Variants in EPHA8 observed in about 807,000 individuals in gnomAD.
EPHA8 encodes the protein ephrin type-A receptor 8.
In EPHA8, 58 loss-of-function variants were observed where a neutral mutation model predicts 103.6. That is an observed-to-expected ratio of 0.56 (90% CI 0.45 to 0.70). The LOEUF is 0.70. Ranked by LOEUF, EPHA8 falls within the 30% of genes least tolerant of loss-of-function variation. The pLI is 0.00. For synonymous variants in EPHA8, 559 were observed against 572.5 expected, an observed-to-expected ratio of 0.98 and a Z score of 0.34; for missense variants, 1,304 against 1,395.2, an observed-to-expected ratio of 0.93 and a Z score of 1.04.
chr1:22,597,540 G>A lies in EPHA8; in HGVS notation c.1930+64G>A, dbSNP rs1344590483. 18 of 1,582,490 alleles carry A rather than the reference G, an allele frequency of 1.1e-5. No homozygotes were observed. The East Asian group carries it at 3.6e-4, about 32-fold the overall frequency. ...GCAAGGTGGGGGCACCCAGGGCAAG[G>A]TGGGGGCACCCAGGGCAGAGGGAGC... On this transcript the variant is annotated intron_variant, in intron 10 of 16. Transcript: ENST00000166244. This position sits in a 1 kb window ranked among gnomAD's most constrained non-coding sequence, Gnocchi z 4.6.
chr1:22,566,163 A>G (rs1198039967), intron 1 of EPHA8, among the ~76,000 whole-genome samples: 1 of 152,144 alleles, frequency 6.6e-6, no homozygotes. Context: ...AGGGCCCTGC[A>G]CCTGCAGAGA....
At chr1:22,578,286 G>A (rs940462578) in intron 3 of EPHA8, among the ~76,000 whole-genome samples, 5 of 150,292 alleles carry the variant, frequency 3.3e-5, no homozygotes, top group Non-Finnish European at 5.9e-5. Flanking sequence ...GCATGTGTAC[G>A]TGTGCATGAG....
intron 2 of EPHA8, among the ~76,000 whole-genome samples, chr1:22,571,588 C>T (rs1640545920): frequency 6.6e-6 from 1 of 152,180 alleles, no homozygotes; most frequent in African/African-American, 2.4e-5. Flanking sequence ...CACCTGCCAT[C>T]TTCAGGGGGC....
intron 2 of EPHA8, among the ~76,000 whole-genome samples, chr1:22,572,124 C>G (rs1257221248): frequency 6.6e-6 from 1 of 152,212 alleles, no homozygotes; most frequent in Non-Finnish European, 1.5e-5. Flanking sequence ...CTATCCACCC[C>G]TCTGACTCTG....
At chr1:22,580,333 T>G (rs977356441) in intron 3 of EPHA8, among the ~76,000 whole-genome samples, 1 of 151,926 alleles carries the variant, frequency 6.6e-6, no homozygotes, top group African/African-American at 2.4e-5. Context: ...GAGACAAGAT[T>G]TCACCATGTT....
chr1:22,578,885 G>GTGTGTGCA (rs371745101), intron 3 of EPHA8, among the ~76,000 whole-genome samples: 2 of 149,640 alleles, frequency 1.3e-5, no homozygotes, highest in Non-Finnish European at 3.0e-5. Flanking sequence ...CCGTGTGTCC[G>GTGTGTGCA]TGTGTGCATG....
chr1:22,576,566 T>C lies in EPHA8; in HGVS notation c.509T>C (p.Val170Ala). 1 of 1,614,024 alleles carries C rather than the reference T, an allele frequency of 6.2e-7. No individual in the cohort carries two copies. The highest frequency in any genetic ancestry group is 8.5e-7 in the Non-Finnish European group (1 of 1,180,008). ...GVRRLKLNTE[V>A]RSVGPLSKRG... ...CGGCGTCTCAAGCTCAACACGGAGG[T>C]GCGCAGTGTGGGTCCCCTCAGCAAG... The change falls in exon 3 of 17, where the codon GTG becomes GCG. Residue 170 changes from valine (V) to alanine (A), a missense_variant. Transcript: ENST00000166244. The surrounding 1 kb of genome is among the most constrained non-coding windows in gnomAD (Gnocchi z 4.8).
chr1:22,570,530 C>G, intron 2 of EPHA8, among the ~76,000 whole-genome samples: 1 of 152,282 alleles, frequency 6.6e-6, no homozygotes, highest in African/African-American at 2.4e-5. Context: ...GATAACGACA[C>G]CAACAGGTAA....
intron 5 of EPHA8, among the ~76,000 whole-genome samples, chr1:22,591,238 T>G (rs1361300996): frequency 6.6e-6 from 1 of 151,926 alleles, no homozygotes; most frequent in South Asian, 2.1e-4. Context: ...AAAAAAATTT[T>G]TTTTGAGACA....
At chr1:22,566,722 G>A (rs1640369373) in intron 1 of EPHA8, among the ~76,000 whole-genome samples, 1 of 152,174 alleles carries the variant, frequency 6.6e-6, no homozygotes, top group South Asian at 2.1e-4. Context: ...TGACCAGAGG[G>A]TCTGAATTCC....
chr1:22,582,565 G>A (rs538224326), intron 3 of EPHA8, among the ~76,000 whole-genome samples: 4 of 152,314 alleles, frequency 2.6e-5, no homozygotes, highest in South Asian at 2.1e-4. Context: ...TGTGGGGTTC[G>A]TCCAGTTTAC....
intron 4 of EPHA8, 52 bp downstream of exon 4, chr1:22,586,687 C>T (rs1192314230): frequency 1.3e-6 from 2 of 1,593,022 alleles, no homozygotes; most frequent in South Asian, 2.2e-5. Flanking sequence ...CTGGGCCGGG[C>T]CCCTGTGTTT....
chr1:22,566,179 C>G (rs919001454), intron 1 of EPHA8, among the ~76,000 whole-genome samples: 2 of 152,338 alleles, frequency 1.3e-5, no homozygotes, highest in Middle Eastern at 3.4e-3. Flanking sequence ...AGAGACGCCC[C>G]CCGGACCCCT....
chr1:22,601,941 C>T lies in EPHA8; in HGVS notation c.*200C>T. The stretch of plus-strand genomic sequence containing the variant: ...TGGGAAGGGGCCTTTGGTGGCCACC[C>T]TGGTGAGGACACCTGTCCCCCAGGG... On this transcript the variant is annotated 3_prime_UTR_variant, in exon 17 of 17. Transcript: ENST00000166244. 1 of 608,632 alleles carries T rather than the reference C, an allele frequency of 1.6e-6. No homozygotes were observed. The highest frequency in any genetic ancestry group is 2.8e-6 in the Non-Finnish European group (1 of 351,818). 37.7% of individuals were successfully genotyped at this position (608,632 alleles called of 1,614,324 possible).
chr1:22,595,656 A>T (rs1461769441), intron 8 of EPHA8, among the ~76,000 whole-genome samples: 3 of 152,176 alleles, frequency 2.0e-5, no homozygotes, highest in Non-Finnish European at 4.4e-5. Context: ...AGGGAGGTGG[A>T]GACAGGATAG....
chr1:22,593,389 G>T lies in EPHA8; in HGVS notation c.1379G>T (p.Trp460Leu). ...GGGCAGACCAGCGTCTCGCTGCTGTGGCAGGAGCCCGAGCAGCCGAACGGC... is the reference window on the plus strand; with the variant it reads ...GGGCAGACCAGCGTCTCGCTGCTGTTGCAGGAGCCCGAGCAGCCGAACGGC... Reference protein sequence around the residue: ...RAGQTSVSLLWQEPEQPNGII... With the variant: ...RAGQTSVSLLLQEPEQPNGII... The change falls in exon 6 of 17, where the codon TGG becomes TTG. Residue 460 changes from tryptophan (W) to leucine (L), a missense_variant. Transcript: ENST00000166244. The T allele has an allele frequency of 1.3e-6, 2 of 1,591,294 alleles. No homozygotes were observed. The highest frequency in any genetic ancestry group is 1.7e-6 in the Non-Finnish European group (2 of 1,170,512).
chr1:22,574,064 C>T (rs1030343794), intron 2 of EPHA8, among the ~76,000 whole-genome samples: 8 of 152,224 alleles, frequency 5.3e-5, no homozygotes, highest in East Asian at 1.9e-4. Flanking sequence ...CTGCAAACTC[C>T]GTCCCCCGGG....
At chr1:22,595,911 ATCATGGCGG>A (rs1641503848) in intron 8 of EPHA8, among the ~76,000 whole-genome samples, 186 bp from the exon 9 acceptor site, 1 of 152,226 alleles carries the variant, frequency 6.6e-6, no homozygotes, top group Admixed American at 6.5e-5. Context: ...GCTTGTGACC[ATCATGGCGG>A]TCACAGTTTA....
chr1:22,582,262 G>A (rs1474443796), intron 3 of EPHA8, among the ~76,000 whole-genome samples: 4 of 152,186 alleles, frequency 2.6e-5, no homozygotes, highest in Non-Finnish European at 5.9e-5. Context: ...GAGGAAGGGC[G>A]TGGAGTCAGG....
Sources: gnomAD v4.1 joint callset for allele counts (sites outside exome capture counted in the v4.1 genomes callset) on GRCh38, gnomAD v4.1.1 for gene constraint, Gnocchi (gnomAD v3.1) non-coding constraint, MANE v1.5 for transcripts, NCBI Gene and HGNC (gene_info 2026-07-23, HGNC 2026-07-21) for gene names.